The following RBM33 variants were observed in gnomAD, a reference collection of about 807,000 sequenced individuals.
RBM33 encodes the protein RNA binding motif protein 33, also known as RNA-binding protein 33.
A neutral mutation model predicts 132.6 loss-of-function variants in RBM33; 28 were observed. The ratio of observed to expected loss-of-function variants is 0.21; its 90% CI spans 0.16 to 0.29. RBM33 has a LOEUF of 0.29. RBM33 is among the 10% of genes least tolerant of loss of function. The probability of loss-of-function intolerance (pLI) is 1.00; values close to 1 mark genes in which losing one functional copy is unlikely to be tolerated. For synonymous variants in RBM33, 634 were observed against 593.0 expected, an observed-to-expected ratio of 1.07 and a Z score of -1.01; for missense variants, 1,291 against 1,518.5, an observed-to-expected ratio of 0.85 and a Z score of 2.49.
chr7:155,742,568 CT>C (rs1296428936), intron 13 of RBM33, among the ~76,000 whole-genome samples: 1 of 152,210 alleles, frequency 6.6e-6, no homozygotes, highest in Non-Finnish European at 1.5e-5. Context: ...GTGTCATGTG[CT>C]GACACCTGGT....
chr7:155,724,990 T>TTGTGTGTG lies in RBM33; in HGVS notation c.1260+6587_1260+6594dup, dbSNP rs56739117. Among the ~76,000 whole-genome samples, 558 of 123,334 alleles carry TTGTGTGTG rather than the reference T, an allele frequency of 4.5e-3. 5 individuals carry two copies. Among genetic ancestry groups the TTGTGTGTG allele is most frequent in the Middle Eastern group, 8.4e-3 (2 of 238 alleles). 80.9% of individuals were successfully genotyped at this position (123,334 alleles called of 152,430 possible). On this transcript the variant is annotated intron_variant, in intron 9 of 17. Transcript: ENST00000401878. ...TTGCTGTAAACATTTGTGTACAGGT[T>TTGTGTGTG]TGTGTGTGTGTGTGTGTGTGTGTGT...
At chr7:155,756,250 T>A (rs552295037) in intron 14 of RBM33, among the ~76,000 whole-genome samples, 5 of 152,360 alleles carry the variant, frequency 3.3e-5, no homozygotes, top group Admixed American at 6.5e-5. Context: ...TAAGTACTAG[T>A]AATTTTAGGA....
intron 14 of RBM33, among the ~76,000 whole-genome samples, chr7:155,759,391 A>T (rs1801954266): frequency 6.9e-6 from 1 of 145,298 alleles, no homozygotes; most frequent in Non-Finnish European, 1.5e-5. Flanking sequence ...TATTCGGGGT[A>T]TTTATTGACT....
At position 155,745,848 on chromosome 7, in the gene RBM33, C is replaced by T. The variant is rs1801499579; in HGVS notation, c.2979+246C>T. The T allele has an allele frequency of 2.0e-6, 1 of 511,614 alleles. No individual in the cohort carries two copies. Among genetic ancestry groups the T allele is most frequent in the Non-Finnish European group, 3.5e-6 (1 of 285,408 alleles). The allele number at this position is 511,614 out of a possible 1,614,324, so 31.7% of individuals were successfully genotyped here. A position where few individuals can be genotyped will look rare whatever the true frequency, so the allele number is the denominator to read the frequency against. ...GCTAGAATGTACTTCCATACACAGA[C>T]GGTACAGCCTGCTGCACACCTAGGC... On this transcript the variant is annotated intron_variant, in intron 14 of 17. Coordinates refer to ENST00000401878, the MANE Select transcript of RBM33 (RefSeq NM_053043.3). This position sits in a 1 kb window ranked among gnomAD's most constrained non-coding sequence, Gnocchi z 4.1.
chr7:155,730,241 A>G (rs187506131), intron 9 of RBM33, among the ~76,000 whole-genome samples: 74 of 152,346 alleles, frequency 4.9e-4, no homozygotes, highest in African/African-American at 1.7e-3. Context: ...CAGAGTTTCT[A>G]GGACTTGCTG....
Position 155,734,552 on chromosome 7 carries a change from G to A in RBM33, c.1261-2978G>A, listed in dbSNP as rs573324413. The stretch of plus-strand genomic sequence containing the variant: ...TTTTACTTTTCACAACTATTATCTT[G>A]TTTCAGGCTGTGATATTGTCTCTTT... On this transcript the variant is annotated intron_variant, in intron 9 of 17. Coordinates refer to ENST00000401878, the MANE Select transcript of RBM33 (RefSeq NM_053043.3). Among the ~76,000 whole-genome samples the A allele has an allele frequency of 2.6e-4, 39 of 152,128 alleles. No homozygotes were observed. The South Asian group carries it at 8.1e-3, about 32-fold the overall frequency.
At chr7:155,698,609 C>T (rs958798087) in intron 5 of RBM33, among the ~76,000 whole-genome samples, 1 of 152,128 alleles carries the variant, frequency 6.6e-6, no homozygotes, top group African/African-American at 2.4e-5. Flanking sequence ...TTAACTGAGC[C>T]CCAAGATTTG....
chr7:155,716,116 C>T (rs150230241), intron 8 of RBM33, among the ~76,000 whole-genome samples: 6 of 152,256 alleles, frequency 3.9e-5, no homozygotes, highest in African/African-American at 1.2e-4. Context: ...CTAGACTGGT[C>T]TCTAACATCA....
chr7:155,680,336 A>G lies in RBM33; in HGVS notation c.249-254A>G, dbSNP rs551526977. ...ATAACCTGCAGCTGGTGATAAGTAGAGGGGCTATATGCATTGCCAGTCTGT... is the reference window on the plus strand; with the variant it reads ...ATAACCTGCAGCTGGTGATAAGTAGGGGGGCTATATGCATTGCCAGTCTGT... On this transcript the variant is annotated intron_variant, in intron 4 of 17. Coordinates refer to ENST00000401878, the MANE Select transcript of RBM33 (RefSeq NM_053043.3). Among the ~76,000 whole-genome samples the G allele has an allele frequency of 7.2e-5, 11 of 152,200 alleles. 1 individual carries two copies. The highest frequency in any genetic ancestry group is 2.1e-4 in the South Asian group (1 of 4,830).
intron 5 of RBM33, among the ~76,000 whole-genome samples, chr7:155,696,703 G>A (rs2116950640): frequency 6.6e-6 from 1 of 152,256 alleles, no homozygotes; most frequent in African/African-American, 2.4e-5. Context: ...TTAAAAAAAT[G>A]ATGAACCATG....
At chr7:155,677,976 C>G (rs971705746) in intron 3 of RBM33, among the ~76,000 whole-genome samples, 2 of 152,128 alleles carry the variant, frequency 1.3e-5, no homozygotes, top group Admixed American at 1.3e-4. Flanking sequence ...ACCCCCCCAA[C>G]CTAATCTAAG....
At chr7:155,773,834 C>G (rs141260844) in intron 16 of RBM33, among the ~76,000 whole-genome samples, 1 of 152,088 alleles carries the variant, frequency 6.6e-6, no homozygotes, top group Non-Finnish European at 1.5e-5. Flanking sequence ...GATTTGAGGA[C>G]TAGATGTAAG....
Position 155,723,959 on chromosome 7 carries a change from A to T in RBM33, c.1260+5516A>T, listed in dbSNP as rs534838742. On this transcript the variant is annotated intron_variant, in intron 9 of 17. Transcript: ENST00000401878. ...TTACATTGACTGGGACACCTTTTAA[A>T]TTCTCTTCGGATATAGAGTGCTATA... Among the ~76,000 whole-genome samples, 6 of 152,268 alleles carry T rather than the reference A, an allele frequency of 3.9e-5. No homozygotes were observed. In the South Asian group the frequency reaches 1.2e-3, roughly 32 times the overall value.
rs146813361 is a variant in RBM33, at chr7:155,681,132, G to A, written c.567+224G>A. 4.3e-3 allele frequency among the ~76,000 whole-genome samples: 658 copies of A among 152,330 alleles called. 3 individuals carry two copies. Among genetic ancestry groups the A allele is most frequent in the African/African-American group, 0.013 (550 of 41,576 alleles). ...TCATTCTGGAAGGCTGCAAAGAATC[G>A]TGACCTTGAGGATTGTACCCTAAGG... On this transcript the variant is annotated intron_variant, in intron 5 of 17. Transcript: ENST00000401878.
At chr7:155,675,799 A>G (rs986490328) in intron 3 of RBM33, among the ~76,000 whole-genome samples, 3 of 152,114 alleles carry the variant, frequency 2.0e-5, no homozygotes, top group Non-Finnish European at 4.4e-5. Flanking sequence ...CTTGTCTTGT[A>G]TTGCCAATTT....
intron 9 of RBM33, among the ~76,000 whole-genome samples, chr7:155,728,338 A>G (rs1002273810): frequency 1.3e-5 from 2 of 152,118 alleles, no homozygotes; most frequent in Admixed American, 1.3e-4. Flanking sequence ...TGTACACTCG[A>G]TGACATAATG....
At chr7:155,666,067 C>T (rs1197369297) in intron 2 of RBM33, among the ~76,000 whole-genome samples, 7 of 152,182 alleles carry the variant, frequency 4.6e-5, no homozygotes, top group African/African-American at 1.7e-4. Flanking sequence ...TTTAGTGACT[C>T]ATGCAGTGTA....
intron 1 of RBM33, among the ~76,000 whole-genome samples, chr7:155,646,977 C>G (rs1407521101): frequency 6.6e-6 from 1 of 152,216 alleles, no homozygotes; most frequent in Non-Finnish European, 1.5e-5. Context: ...TTAGTCATTT[C>G]CACGTGATTT....
chr7:155,760,757 GA>G (rs1192187446), intron 14 of RBM33, among the ~76,000 whole-genome samples: 3 of 152,172 alleles, frequency 2.0e-5, no homozygotes, highest in African/African-American at 7.2e-5. Context: ...TTAAGATACA[GA>G]CTGAAAAATT....
Sources: allele counts gnomAD v4.1 joint callset (sites outside exome capture counted in the v4.1 genomes callset), GRCh38; gene constraint gnomAD v4.1.1; non-coding constraint Gnocchi (gnomAD v3.1); transcripts MANE v1.5; gene names NCBI Gene and HGNC (gene_info 2026-07-23, HGNC 2026-07-21).